Variants in PALM2AKAP2 observed in about 807,000 individuals in gnomAD.
PALM2AKAP2 encodes the protein PALM2 and AKAP2 fusion.
Under a neutral mutation model 71.5 loss-of-function variants are expected in PALM2AKAP2, and 37 were observed. That is an observed-to-expected ratio of 0.52 (90% CI 0.40 to 0.68). PALM2AKAP2 has a LOEUF of 0.68. PALM2AKAP2 is among the 30% of genes least tolerant of loss of function. PALM2AKAP2 has a pLI of 0.00. For synonymous variants in PALM2AKAP2, 468 were observed against 478.8 expected (o/e 0.98, Z 0.29); for missense variants, 1,224 against 1,191.8 (o/e 1.03, Z -0.40).
chr9:109,689,955 C>T lies in PALM2AKAP2; in HGVS notation c.5+49089C>T, dbSNP rs903578572. On this transcript the variant is annotated intron_variant, in intron 1 of 6. Coordinates refer to the PALM2AKAP2 transcript ENST00000374531. ...AGAAGTGGAATGAGGCCAGGAATGT[C>T]ATGGAGATAGAGAGTCTTCCATACA... Among the ~76,000 whole-genome samples, 5 of 152,124 alleles carry T rather than the reference C, an allele frequency of 3.3e-5. No homozygotes were observed. The South Asian group carries it at 8.3e-4, about 25-fold the overall frequency.
At chr9:109,678,434 C>T (rs747803017) in intron 1 of PALM2AKAP2, among the ~76,000 whole-genome samples, 2 of 152,136 alleles carry the variant, frequency 1.3e-5, no homozygotes, top group Non-Finnish European at 2.9e-5. Context: ...AAGATGATTC[C>T]CATTTCACTT....
intron 3 of PALM2AKAP2, among the ~76,000 whole-genome samples, chr9:109,896,177 C>A (rs1163266565): frequency 6.6e-6 from 1 of 151,950 alleles, no homozygotes; most frequent in East Asian, 1.9e-4. Context: ...AAGAGTGAAA[C>A]TCCGTCTCAA....
intron 3 of PALM2AKAP2, among the ~76,000 whole-genome samples, chr9:109,921,022 A>G (rs2131944177): frequency 6.6e-6 from 1 of 152,294 alleles, no homozygotes; most frequent in East Asian, 1.9e-4. Flanking sequence ...GATTTTGCTG[A>G]ACATCTGGAC....
At chr9:109,880,561 T>G in exon 3 of PALM2AKAP2, 1 of 1,612,842 alleles carries the variant, frequency 6.2e-7, no homozygotes, top group South Asian at 1.1e-5. Context: ...TCCAAAGTGC[T>G]TCGGGAGAAA....
chr9:109,760,447 A>G (rs574483625), intron 1 of PALM2AKAP2: 7 of 152,320 alleles, frequency 4.6e-5, no homozygotes, highest in African/African-American at 1.7e-4. Flanking sequence ...TCTTCACGAT[A>G]ACTTTACAAA....
chr9:110,109,783 G>A (rs1413815930), intron 1 of PALM2AKAP2, among the ~76,000 whole-genome samples: 4 of 152,086 alleles, frequency 2.6e-5, no homozygotes, highest in Non-Finnish European at 2.9e-5. Context: ...GGAAAAGGGT[G>A]CCAGGCCCCT....
intron 1 of PALM2AKAP2, among the ~76,000 whole-genome samples, chr9:109,750,369 G>T (rs1334958505): frequency 1.3e-5 from 2 of 151,964 alleles, no homozygotes; most frequent in African/African-American, 4.8e-5. Flanking sequence ...ATTGAAAACA[G>T]ATAAAATATA....
At chr9:109,971,029 C>T (rs1832055123) in intron 6 of PALM2AKAP2, among the ~76,000 whole-genome samples, 1 of 152,032 alleles carries the variant, frequency 6.6e-6, no homozygotes, top group South Asian at 2.1e-4. Flanking sequence ...GAGGATTGCT[C>T]AAGCCCAGGA....
At chr9:110,103,951 C>T (rs547518241) in intron 1 of PALM2AKAP2, among the ~76,000 whole-genome samples, 202 of 152,296 alleles carry the variant, frequency 1.3e-3, no homozygotes, top group African/African-American at 4.7e-3. Context: ...CCACCTGCCC[C>T]GTCTTCTGGC....
intron 1 of PALM2AKAP2, among the ~76,000 whole-genome samples, chr9:109,796,183 A>C (rs1441446905): frequency 6.6e-6 from 1 of 152,178 alleles, no homozygotes; most frequent in Non-Finnish European, 1.5e-5. Flanking sequence ...AAATGCACAA[A>C]ATAAAATATT....
intron 3 of PALM2AKAP2, among the ~76,000 whole-genome samples, chr9:110,160,298 T>C (rs1305723071): frequency 1.3e-5 from 2 of 152,202 alleles, no homozygotes; most frequent in African/African-American, 2.4e-5. Flanking sequence ...AGCAATCCTA[T>C]TCATATTGTG....
At chr9:110,115,760 G>T (rs1835348149) in intron 1 of PALM2AKAP2, among the ~76,000 whole-genome samples, 1 of 151,698 alleles carries the variant, frequency 6.6e-6, no homozygotes, top group South Asian at 2.1e-4. Flanking sequence ...TCGTGGGGGT[G>T]GTTCTGTGCA....
chr9:109,959,563 T>A (rs1316853910), intron 6 of PALM2AKAP2, among the ~76,000 whole-genome samples: 2 of 148,738 alleles, frequency 1.3e-5, no homozygotes, highest in Non-Finnish European at 3.0e-5. Context: ...GAGAATGGCA[T>A]GAACCCGGGA....
intron 1 of PALM2AKAP2, among the ~76,000 whole-genome samples, chr9:109,816,096 T>C (rs1827844458): frequency 1.3e-5 from 2 of 152,166 alleles, no homozygotes; most frequent in Admixed American, 6.5e-5. Context: ...ACAAGGAACA[T>C]GTACAAAGAT....
chr9:110,092,318 T>C (rs10980186), intron 1 of PALM2AKAP2, among the ~76,000 whole-genome samples: 27,887 of 152,018 alleles, frequency 0.18, 3,268 homozygotes, highest in African/African-American at 0.33. Context: ...AGTGACAGAG[T>C]GAGACTCCGC....
intron 1 of PALM2AKAP2, among the ~76,000 whole-genome samples, chr9:110,121,082 G>A (rs1029940481): frequency 3.9e-5 from 6 of 152,242 alleles, no homozygotes; most frequent in Non-Finnish European, 7.4e-5. Flanking sequence ...CCAGGTCTGG[G>A]TGTTCTTTAA....
chr9:109,828,597 T>C (rs1301762938), intron 1 of PALM2AKAP2, among the ~76,000 whole-genome samples: 1 of 152,240 alleles, frequency 6.6e-6, no homozygotes, highest in Non-Finnish European at 1.5e-5. Flanking sequence ...ATAAAAATGA[T>C]AGTCATACAA....
intron 3 of PALM2AKAP2, among the ~76,000 whole-genome samples, chr9:109,900,453 C>T (rs1439362951): frequency 6.6e-6 from 1 of 152,164 alleles, no homozygotes; most frequent in African/African-American, 2.4e-5. Flanking sequence ...GATGGGTAAA[C>T]AAGTACTGAG....
chr9:109,787,038 A>G (rs890481114), intron 1 of PALM2AKAP2, among the ~76,000 whole-genome samples: 2 of 152,194 alleles, frequency 1.3e-5, no homozygotes, highest in African/African-American at 2.4e-5. Context: ...CATGAAATTG[A>G]CTGAGACAGC....
Sources: allele counts gnomAD v4.1 joint callset (sites outside exome capture counted in the v4.1 genomes callset), GRCh38; gene constraint gnomAD v4.1.1; transcripts MANE v1.5; gene names NCBI Gene and HGNC (gene_info 2026-07-23, HGNC 2026-07-21).